The following SFMBT2 variants were observed in gnomAD, a reference collection of about 807,000 sequenced individuals.
SFMBT2 encodes Scm like with four mbt domains 2.
In SFMBT2, 38 loss-of-function variants were observed where a neutral mutation model predicts 110.1. The ratio of observed to expected loss-of-function variants is 0.35; its 90% CI spans 0.27 to 0.45. The LOEUF (loss-of-function observed/expected upper bound fraction) is 0.45, where lower values mean the gene tolerates loss of function less well. Ranked by LOEUF, SFMBT2 falls within the 20% of genes least tolerant of loss-of-function variation. The pLI is 1.00. For missense variants in SFMBT2, 1,011 were observed against 1,094.9 expected, an observed-to-expected ratio of 0.92 and a Z score of 1.08; for synonymous variants, 425 against 425.4, an observed-to-expected ratio of 1.00 and a Z score of 0.01.
rs575375243 is a variant in SFMBT2, at chr10:7,161,286, G to A, written c.*2484C>T. 4 of 152,378 alleles carry A rather than the reference G, an allele frequency of 2.6e-5. No homozygotes were observed. In the South Asian group the frequency reaches 8.3e-4, roughly 32 times the overall value. 9.4% of individuals were successfully genotyped at this position (152,378 alleles called of 1,614,324 possible). ...CCTCCGTGCTACCACTGAAAAGGGA[G>A]ACAGAAGTGACATTTGTGCTGCAAG... On this transcript the variant is annotated 3_prime_UTR_variant, in exon 21 of 21. Coordinates refer to ENST00000397167, the MANE Select transcript of SFMBT2 (RefSeq NM_001387889.1).
chr10:7,221,662 CTTG>C (rs1189739957), intron 10 of SFMBT2, among the ~76,000 whole-genome samples: 1 of 151,300 alleles, frequency 6.6e-6, no homozygotes, highest in African/African-American at 2.4e-5. Flanking sequence ...TTTATTTTCC[CTTG>C]TTCTTTTTGT....
chr10:7,271,004 G>C (rs1214409396), intron 7 of SFMBT2, among the ~76,000 whole-genome samples: 1 of 152,022 alleles, frequency 6.6e-6, no homozygotes, highest in African/African-American at 2.4e-5. Context: ...TTAAATTCAG[G>C]CCAGGCATGG....
chr10:7,375,800 C>CAA (rs1554811588), intron 2 of SFMBT2, among the ~76,000 whole-genome samples: 13 of 113,380 alleles, frequency 1.1e-4, no homozygotes, highest in Non-Finnish European at 2.1e-4. Context: ...CACACACACA[C>CAA]AAATCACCTA....
intron 9 of SFMBT2, among the ~76,000 whole-genome samples, chr10:7,242,843 T>C (rs1472003432): frequency 6.6e-6 from 1 of 152,246 alleles, no homozygotes; most frequent in African/African-American, 2.4e-5. Flanking sequence ...AAACCCCTTA[T>C]TATTTAAGTT....
At chr10:7,247,192 C>G (rs1175542195) in intron 8 of SFMBT2, among the ~76,000 whole-genome samples, 1 of 152,202 alleles carries the variant, frequency 6.6e-6, no homozygotes, top group African/African-American at 2.4e-5. Flanking sequence ...TCTCAGCTCA[C>G]TACAACCTCT....
intron 14 of SFMBT2, 93 bp downstream of exon 14, chr10:7,200,321 G>C (rs1036338579): frequency 8.2e-6 from 8 of 971,822 alleles, no homozygotes; most frequent in African/African-American, 1.7e-5. Flanking sequence ...TCAACGTTGA[G>C]ATGTATTCAT....
rs200717836 is a variant in SFMBT2 at position 7,197,575 on chromosome 10, C to A, written c.1671G>T (p.Pro557=). ...CTTTAAGAACCAGCACGCATTTGCCCGGTCCCACCGACTGAGGTAGCTCTG... is the reference window on the plus strand; with the variant it reads ...CTTTAAGAACCAGCACGCATTTGCCAGGTCCCACCGACTGAGGTAGCTCTG... ...RIAELPQSVG[P]GKCVLVLKEV... is the part of the protein sequence containing the mutation. Residue 557 remains proline (P), a synonymous_variant, in exon 15 of 21, where the codon CCG becomes CCT. Transcript: ENST00000397167. The A allele has an allele frequency of 6.2e-6, 10 of 1,614,006 alleles. No individual in the cohort carries two copies. The highest frequency in any genetic ancestry group is 1.7e-5 in the Admixed American group (1 of 59,992).
rs139088067 is a variant in SFMBT2, at chr10:7,312,031, A to C, written c.437-26077T>G. On this transcript the variant is annotated intron_variant, in intron 4 of 20. Coordinates refer to ENST00000397167, the MANE Select transcript of SFMBT2 (RefSeq NM_001387889.1). ...TCATAGGTGGGAATTGAACAATGAG[A>C]ACGCTTGGACACAGGATGGGGAACA... Among the ~76,000 whole-genome samples, 448 of 152,274 alleles carry C rather than the reference A, an allele frequency of 2.9e-3. 1 individual carries two copies. Among genetic ancestry groups the C allele is most frequent in the African/African-American group, 0.01 (421 of 41,556 alleles).
At chr10:7,214,649 T>G (rs1207405632) in intron 11 of SFMBT2, 2 of 985,378 alleles carry the variant, frequency 2.0e-6, no homozygotes, top group Non-Finnish European at 2.4e-6. Context: ...TGCACGTAAG[T>G]GCTGTGCTTG....
Position 7,369,945 on chromosome 10 carries a change from C to T in SFMBT2, c.195+336G>A, listed in dbSNP as rs568218104. 3.9e-5 allele frequency among the ~76,000 whole-genome samples: 6 copies of T among 152,258 alleles called. No individual in the cohort carries two copies. In the South Asian group the frequency reaches 1.0e-3, roughly 26 times the overall value. ...CGCAATCTTGGCTCACTGCAATCTC[C>T]ACCTCCTGGGCTCAAGTGACCCTCC... On this transcript the variant is annotated intron_variant, in intron 3 of 20. Transcript: ENST00000397167.
At chr10:7,166,055 T>C (rs911212560) in intron 20 of SFMBT2, among the ~76,000 whole-genome samples, 1 of 152,222 alleles carries the variant, frequency 6.6e-6, no homozygotes, top group Non-Finnish European at 1.5e-5. Flanking sequence ...AAACACATTT[T>C]AAGTAGGCAG....
chr10:7,368,952 G>C (rs1844990132), intron 3 of SFMBT2, among the ~76,000 whole-genome samples: 1 of 152,158 alleles, frequency 6.6e-6, no homozygotes. Context: ...TACCTTTTCA[G>C]GGTCACAGAA....
At chr10:7,212,322 A>G (rs1245819752) in intron 11 of SFMBT2, among the ~76,000 whole-genome samples, 1 of 152,206 alleles carries the variant, frequency 6.6e-6, no homozygotes, top group East Asian at 1.9e-4. Context: ...TATTTCATTT[A>G]GGAATACACA....
intron 16 of SFMBT2, among the ~76,000 whole-genome samples, chr10:7,184,047 A>G (rs1481845214): frequency 1.3e-5 from 2 of 152,192 alleles, no homozygotes; most frequent in Admixed American, 6.5e-5. Flanking sequence ...TGATATCAAT[A>G]TATGTGTGGC....
chr10:7,360,657 A>T (rs1484381231), intron 4 of SFMBT2, among the ~76,000 whole-genome samples: 1 of 152,254 alleles, frequency 6.6e-6, no homozygotes, highest in Non-Finnish European at 1.5e-5. Context: ...TGTGATGTGT[A>T]AATGATAGAT....
rs1422783555 is a variant in SFMBT2 at position 7,159,854 on chromosome 10, G to A, written c.*3916C>T. 1 of 152,134 alleles carries A rather than the reference G, an allele frequency of 6.6e-6. No homozygotes were observed. Among genetic ancestry groups the A allele is most frequent in the Non-Finnish European group, 1.5e-5 (1 of 68,012 alleles). 9.4% of individuals were successfully genotyped at this position (152,134 alleles called of 1,614,324 possible). On this transcript the variant is annotated 3_prime_UTR_variant, in exon 21 of 21. Coordinates refer to ENST00000397167, the MANE Select transcript of SFMBT2 (RefSeq NM_001387889.1). ...GTACTTCTAAAACTAAGCGGGGACAGCTCTTAGAAAGGGGTGTTTGGCATA... is the reference window on the plus strand; with the variant it reads ...GTACTTCTAAAACTAAGCGGGGACAACTCTTAGAAAGGGGTGTTTGGCATA...
chr10:7,352,967 G>A (rs905779650), intron 4 of SFMBT2, among the ~76,000 whole-genome samples: 1 of 151,954 alleles, frequency 6.6e-6, no homozygotes, highest in Non-Finnish European at 1.5e-5. Context: ...CCGAGATCGT[G>A]CCACTACACT....
chr10:7,383,498 C>T (rs1845486331), intron 1 of SFMBT2, among the ~76,000 whole-genome samples: 2 of 152,140 alleles, frequency 1.3e-5, no homozygotes, highest in South Asian at 4.1e-4. Flanking sequence ...TTGAGCTATC[C>T]ACCTGTTGTA....
intron 4 of SFMBT2, among the ~76,000 whole-genome samples, chr10:7,362,878 G>A (rs1844768521): frequency 6.6e-6 from 1 of 152,232 alleles, no homozygotes; most frequent in Non-Finnish European, 1.5e-5. Context: ...GCTTTGGACA[G>A]ATTCCTGGGC....
Sources: gnomAD v4.1 joint callset for allele counts (sites outside exome capture counted in the v4.1 genomes callset) on GRCh38, gnomAD v4.1.1 for gene constraint, MANE v1.5 for transcripts, NCBI Gene and HGNC (gene_info 2026-07-23, HGNC 2026-07-21) for gene names.